The following ANKRD11 variants were observed in gnomAD, a reference collection of about 807,000 sequenced individuals.
ANKRD11 encodes ankyrin repeat domain 11.
In ANKRD11, 17 loss-of-function variants were observed where a neutral mutation model predicts 195.7. The ratio of observed to expected loss-of-function variants is 0.09; its 90% CI spans 0.06 to 0.13. The LOEUF (loss-of-function observed/expected upper bound fraction) is 0.13. Ranked by LOEUF, ANKRD11 falls within the 10% of genes least tolerant of loss-of-function variation. The pLI, the probability that ANKRD11 is intolerant of heterozygous loss-of-function variation, is 1.00. For synonymous variants in ANKRD11, 1,953 were observed against 1,528.1 expected (o/e 1.28, Z -6.49); for missense variants, 3,735 against 3,566.1 (o/e 1.05, Z -1.21).
At chr16:89,294,557 G>T (rs3114917) in intron 4 of ANKRD11, among the ~76,000 whole-genome samples, 1 of 152,028 alleles carries the variant, frequency 6.6e-6, no homozygotes. Flanking sequence ...TGAGACACTG[G>T]CCACTCCAGT....
intron 2 of ANKRD11, among the ~76,000 whole-genome samples, chr16:89,352,097 G>A (rs1173805776): frequency 6.6e-6 from 1 of 151,808 alleles, no homozygotes; most frequent in Non-Finnish European, 1.5e-5. Flanking sequence ...CAACATGTTG[G>A]TCAGATTGGT....
intron 1 of ANKRD11, among the ~76,000 whole-genome samples, chr16:89,467,051 G>A (rs1312829027): frequency 1.3e-5 from 2 of 152,192 alleles, no homozygotes; most frequent in Non-Finnish European, 2.9e-5. Context: ...AAATTCCAAT[G>A]GTTGCAGGAA....
chr16:89,387,925 G>A (rs1437093268), intron 2 of ANKRD11, among the ~76,000 whole-genome samples: 2 of 146,972 alleles, frequency 1.4e-5, no homozygotes, highest in Admixed American at 6.9e-5. Flanking sequence ...CAGGAGAATC[G>A]CTTCTTGAAC....
chr16:89,374,999 TA>T (rs1230233567), intron 2 of ANKRD11, among the ~76,000 whole-genome samples: 1 of 152,080 alleles, frequency 6.6e-6, no homozygotes, highest in Non-Finnish European at 1.5e-5. Context: ...TTTCCTACCA[TA>T]AACTATACAC....
At chr16:89,471,451 G>A (rs1231405285) in intron 1 of ANKRD11, among the ~76,000 whole-genome samples, 2 of 151,968 alleles carry the variant, frequency 1.3e-5, no homozygotes, top group Non-Finnish European at 2.9e-5. Context: ...AGGCTGCTCT[G>A]AGAAAAAGCT....
At position 89,281,810 on chromosome 16, in the gene ANKRD11, G is replaced by C. The variant is rs2034273215; in HGVS notation, c.4732C>G (p.Leu1578Val). The stretch of plus-strand genomic sequence containing the variant: ...ATCCTCTCGAAGCTGGTCATCATCA[G>C]GTCGCCGTCCCCCAGGAGCTTCTCC... The part of the protein sequence containing the change: ...PREKLLGDGD[L>V]MMTSFERMLS... The change falls in exon 9 of 13, where the codon CTG becomes GTG. Residue 1578 changes from leucine (L) to valine (V), a missense_variant. Transcript: ENST00000301030. This position sits in a 1 kb window ranked among gnomAD's most constrained non-coding sequence, Gnocchi z 5.5. 6.2e-7 allele frequency: 1 copy of C among 1,613,974 alleles called. No individual in the cohort carries two copies. The highest frequency in any genetic ancestry group is 8.5e-7 in the Non-Finnish European group (1 of 1,180,018).
At chr16:89,353,755 C>T (rs1687838316) in intron 2 of ANKRD11, among the ~76,000 whole-genome samples, 1 of 152,234 alleles carries the variant, frequency 6.6e-6, no homozygotes, top group African/African-American at 2.4e-5. Context: ...GCTGGGATTA[C>T]AGGCGTGAGC....
At chr16:89,356,674 G>C (rs906159838) in intron 2 of ANKRD11, among the ~76,000 whole-genome samples, 6 of 151,164 alleles carry the variant, frequency 4.0e-5, no homozygotes, top group African/African-American at 1.5e-4. Context: ...CCAGCTACTT[G>C]GGAGGCTGAG....
rs202099475 is a variant in ANKRD11, at chr16:89,283,625, G to A, written c.2917C>T (p.Arg973Trp). ...CAGCCACACTCCTTCAGCTCCTCCC[G>A]GTGCGCCTCCTCGGGCTTGGCCCTG... ...DGRAKPEEAH[R>W]EELKECGCES... The change falls in exon 9 of 13, where the codon CGG (arginine) becomes TGG (tryptophan). Residue 973 changes from arginine (R) to tryptophan (W), a missense_variant. Transcript: ENST00000301030. This position sits in a 1 kb window ranked among gnomAD's most constrained non-coding sequence, Gnocchi z 4.3. 3.9e-5 allele frequency: 62 copies of A among 1,610,362 alleles called. No individual in the cohort carries two copies. In the Admixed American group the frequency reaches 4.3e-4, roughly 11 times the overall value.
chr16:89,339,013 G>A (rs765185129), intron 2 of ANKRD11, among the ~76,000 whole-genome samples: 7 of 152,160 alleles, frequency 4.6e-5, no homozygotes, highest in Non-Finnish European at 1.0e-4. Flanking sequence ...TTAGGACCCA[G>A]GAAGGAATGA....
chr16:89,447,965 T>C (rs2043880764), intron 1 of ANKRD11, among the ~76,000 whole-genome samples: 1 of 152,030 alleles, frequency 6.6e-6, no homozygotes, highest in South Asian at 2.1e-4. Context: ...CCACCACGCC[T>C]GGCTCATTTT....
intron 2 of ANKRD11, among the ~76,000 whole-genome samples, chr16:89,332,567 T>C (rs2151969417): frequency 6.6e-6 from 1 of 152,288 alleles, no homozygotes; most frequent in South Asian, 2.1e-4. Flanking sequence ...AAGAACCCAT[T>C]CTCCTAAAGG....
At chr16:89,396,569 C>T (rs779937471) in intron 2 of ANKRD11, among the ~76,000 whole-genome samples, 15 of 151,980 alleles carry the variant, frequency 9.9e-5, no homozygotes, top group Non-Finnish European at 1.6e-4. Flanking sequence ...ACTAGAACAA[C>T]ATATTTACCA....
At chr16:89,377,865 C>T (rs2040488932) in intron 2 of ANKRD11, among the ~76,000 whole-genome samples, 1 of 152,042 alleles carries the variant, frequency 6.6e-6, no homozygotes, top group Non-Finnish European at 1.5e-5. Flanking sequence ...TCTTCCACCC[C>T]CGCCCCATGA....
intron 1 of ANKRD11, among the ~76,000 whole-genome samples, chr16:89,428,404 T>C (rs1358429747): frequency 6.6e-6 from 1 of 151,682 alleles, no homozygotes; most frequent in Non-Finnish European, 1.5e-5. Flanking sequence ...CGGGCGCCTA[T>C]AGTCCCAGCT....
At chr16:89,417,347 T>C (rs2042349835) in intron 2 of ANKRD11, among the ~76,000 whole-genome samples, 1 of 152,130 alleles carries the variant, frequency 6.6e-6, no homozygotes, top group Non-Finnish European at 1.5e-5. Context: ...CTGGCCAAAA[T>C]ATGAAAATTT....
At chr16:89,405,966 CG>C (rs1339650409) in intron 2 of ANKRD11, among the ~76,000 whole-genome samples, 1 of 152,004 alleles carries the variant, frequency 6.6e-6, no homozygotes, top group African/African-American at 2.4e-5. Context: ...AAAAACTTAC[CG>C]GGCGTGGTGG....
rs747252585 is a variant in ANKRD11 at position 89,280,314 on chromosome 16, C to A, written c.6228G>T (p.Pro2076=). ...FSNCKSLPEA[P]LDVAPEPACV... is the part of the protein sequence containing the mutation. ...AGGCGGGCTCGGGGGCCACGTCCAG[C>A]GGGGCTTCCGGAAGTGACTTGCAGT... The change falls in exon 9 of 13, where the codon CCG becomes CCT. Residue 2076 remains proline, a synonymous_variant. Transcript: ENST00000301030. 1 of 1,589,462 alleles carries A rather than the reference C, an allele frequency of 6.3e-7. No individual in the cohort carries two copies. The highest frequency in any genetic ancestry group is 1.3e-5 in the African/African-American group (1 of 74,236).
At chr16:89,459,052 G>C in intron 1 of ANKRD11, 1 of 171,068 alleles carries the variant, frequency 5.8e-6, no homozygotes, top group Non-Finnish European at 1.3e-5. Context: ...TGTGCTAGAT[G>C]AAATAACCAT....
Sources: gnomAD v4.1 joint callset for allele counts (sites outside exome capture counted in the v4.1 genomes callset) on GRCh38, gnomAD v4.1.1 for gene constraint, Gnocchi (gnomAD v3.1) non-coding constraint, MANE v1.5 for transcripts, NCBI Gene and HGNC (gene_info 2026-07-23, HGNC 2026-07-21) for gene names.